MEA1: variants seen among roughly 807,000 people sequenced by gnomAD.
The protein encoded by MEA1 is Male-enhanced antigen (H-Y structural gene).
In MEA1, 22 loss-of-function variants were observed where a neutral mutation model predicts 21.4. That is an observed-to-expected ratio of 1.03 (90% CI 0.73 to 1.47). MEA1 has a LOEUF of 1.47. MEA1 is among the 40% of genes most tolerant of loss of function. The pLI is 0.00. For missense variants in MEA1, 233 were observed against 230.5 expected (o/e 1.01, Z -0.07); for synonymous variants, 91 against 85.5 (o/e 1.06, Z -0.35).
chr6:43,012,574 C>T lies in MEA1; in HGVS notation c.454G>A (p.Ala152Thr). The change falls in exon 4 of 4, where the codon GCG (alanine) becomes ACG (threonine). Residue 152 changes from alanine (A) to threonine (T), a missense_variant. Ala to Thr is a moderately conservative substitution (Grantham distance 58). Coordinates refer to ENST00000244711, the MANE Select transcript of MEA1 (RefSeq NM_014623.4). ...KRTMAGVSLP[A>T]PGVPAWAREI... ...CGAGCCCAGGCAGGAACCCCTGGCG[C>T]AGGCAGGCTTACTCCAGCCATTGTC... is the stretch of plus-strand genomic sequence containing the variant. The T allele has an allele frequency of 1.2e-6, 2 of 1,612,564 alleles. No individual in the cohort carries two copies. Among genetic ancestry groups the T allele is most frequent in the African/African-American group, 1.3e-5 (1 of 74,850 alleles).
chr6:43,015,195 T>G (rs1581874168), upstream of MEA1, among the ~76,000 whole-genome samples: 1 of 152,008 alleles, frequency 6.6e-6, no homozygotes, highest in African/African-American at 2.4e-5. Flanking sequence ...CAAGATATTT[T>G]GGAGAGCGGG....
rs186001465 is a variant in MEA1, at chr6:43,012,373, C to A, written c.*97G>T. ...ATGTGCCTTGATGTGGAAAGGGAGACGGGGAAGATGGAAATGGACATTACA... is the reference window on the plus strand; with the variant it reads ...ATGTGCCTTGATGTGGAAAGGGAGAAGGGGAAGATGGAAATGGACATTACA... On this transcript the variant is annotated 3_prime_UTR_variant, in exon 4 of 4. Coordinates refer to ENST00000244711, the MANE Select transcript of MEA1 (RefSeq NM_014623.4). The A allele has an allele frequency of 2.0e-6, 3 of 1,488,100 alleles. No individual in the cohort carries two copies. Among genetic ancestry groups the A allele is most frequent in the Non-Finnish European group, 2.7e-6 (3 of 1,117,592 alleles). The allele number at this position is 1,488,100 out of a possible 1,614,324, so 92.2% of individuals were successfully genotyped here. A position where few individuals can be genotyped will look rare whatever the true frequency, so the allele number is the denominator to read the frequency against.
Position 43,013,901 on chromosome 6 carries a change from C to A in MEA1, c.-88G>T. 1.3e-6 allele frequency: 2 copies of A among 1,495,722 alleles called. No homozygotes were observed. The highest frequency in any genetic ancestry group is 2.4e-5 in the Admixed American group (1 of 41,548). The allele number at this position is 1,495,722 out of a possible 1,614,324, so 92.7% of individuals were successfully genotyped here. On this transcript the variant is annotated 5_prime_UTR_variant, in exon 1 of 4. Transcript: ENST00000244711. ...CCGGTGTTCCCGCGCGCCTCACCCG[C>A]TCAGAGCCCGCGGCCTCCACTTCCG...
rs1386901586 is a variant in MEA1 at position 43,011,554 on chromosome 6, C to T, written c.*916G>A. 3 of 519,782 alleles carry T rather than the reference C, an allele frequency of 5.8e-6. No homozygotes were observed. Among genetic ancestry groups the T allele is most frequent in the East Asian group, 6.7e-5 (2 of 29,666 alleles). The allele number at this position is 519,782 out of a possible 1,614,324, so 32.2% of individuals were successfully genotyped here. On this transcript the variant is annotated 3_prime_UTR_variant, in exon 4 of 4. Transcript: ENST00000244711. ...CAACCTGGGGATGCCTGTCCCCTAC[C>T]TGCTCCTCACCCACAGCTACCTGAG...
At position 43,012,273 on chromosome 6, in the gene MEA1, T is replaced by C; in HGVS notation, c.*197A>G. ...GCTTTATTCTCCACAGAGTGATACA[T>C]GCTAAGGTGGGTTGGGCTTGGACCG... is the stretch of plus-strand genomic sequence containing the variant. On this transcript the variant is annotated 3_prime_UTR_variant, in exon 4 of 4. Coordinates refer to ENST00000244711, the MANE Select transcript of MEA1 (RefSeq NM_014623.4). 1 of 1,355,234 alleles carries C rather than the reference T, an allele frequency of 7.4e-7. No individual in the cohort carries two copies. Among genetic ancestry groups the C allele is most frequent in the Non-Finnish European group, 9.5e-7 (1 of 1,052,756 alleles). The allele number at this position is 1,355,234 out of a possible 1,614,324, so 84.0% of individuals were successfully genotyped here.
chr6:43,014,119 C>G (rs1426452335), upstream of MEA1: 3 of 1,417,900 alleles, frequency 2.1e-6, no homozygotes, highest in Admixed American at 5.8e-5. Flanking sequence ...TCTCCTACGC[C>G]CCTGCCCACT....
intron 1 of MEA1, 61 bp from the exon 2 acceptor site, chr6:43,013,450 C>G (rs1343796913): frequency 2.1e-5 from 33 of 1,559,920 alleles, no homozygotes; most frequent in Non-Finnish European, 2.7e-5. Context: ...TCTTCATCCT[C>G]TCATCATCTC....
Position 43,013,040 on chromosome 6 carries a change from C to T in MEA1, c.304-12G>A. 2 of 1,614,202 alleles carry T rather than the reference C, an allele frequency of 1.2e-6. No homozygotes were observed. The highest frequency in any genetic ancestry group is 8.5e-7 in the Non-Finnish European group (1 of 1,179,998). Reference sequence around the variant, plus strand: ...TGAAGCCCCAGGGCCTGCAGAGCCACAGAAGACCGTTTGGGTCTAGGCTTT... The same window carrying T: ...TGAAGCCCCAGGGCCTGCAGAGCCATAGAAGACCGTTTGGGTCTAGGCTTT... On this transcript the variant is annotated splice_polypyrimidine_tract_variant and intron_variant, in intron 2 of 3. Transcript: ENST00000244711.
chr6:43,015,493 T>G (rs1208739964), upstream of MEA1, among the ~76,000 whole-genome samples: 1 of 152,130 alleles, frequency 6.6e-6, no homozygotes, highest in East Asian at 1.9e-4. Context: ...TGCAAGGATT[T>G]GCCTGAAAAA....
In MEA1 at chr6:43,012,539, C is replaced by T. The variant is rs200149132; in HGVS notation, c.489G>A (p.Ser163=). The T allele has an allele frequency of 1.4e-5, 22 of 1,612,360 alleles. No individual in the cohort carries two copies. The Admixed American group carries it at 1.7e-4, about 12-fold the overall frequency. Reference sequence around the variant, plus strand: ...GTACCACATCTTCCCACTGGGCATCCGATATCTCCCGAGCCCAGGCAGGAA... The same window carrying T: ...GTACCACATCTTCCCACTGGGCATCTGATATCTCCCGAGCCCAGGCAGGAA... ...PGVPAWAREI[S]DAQWEDVVQK... is the part of the protein sequence containing the mutation. The change falls in exon 4 of 4, where the codon TCG becomes TCA. Residue 163 remains serine, a synonymous_variant. Coordinates refer to ENST00000244711, the MANE Select transcript of MEA1 (RefSeq NM_014623.4).
intron 3 of MEA1, 31 bp from the exon 4 acceptor site, chr6:43,012,652 T>C (rs1442301934): frequency 6.3e-7 from 1 of 1,577,340 alleles, no homozygotes. Context: ...CATTCAGGCA[T>C]AGAAATAATG....
At chr6:43,015,725 C>G (rs1478660138), upstream of MEA1, among the ~76,000 whole-genome samples, 1 of 151,928 alleles carries the variant, frequency 6.6e-6, no homozygotes, top group Non-Finnish European at 1.5e-5. Flanking sequence ...TGGCAGGCGC[C>G]TGTAATCCCA....
At chr6:43,012,686 C>G in intron 3 of MEA1, 65 bp from the exon 4 acceptor site, 1 of 1,512,564 alleles carries the variant, frequency 6.6e-7, no homozygotes, top group Non-Finnish European at 8.9e-7. Flanking sequence ...TCCCCAATCC[C>G]CGAATCAACC....
At position 43,011,151 on chromosome 6, in the gene MEA1, G is replaced by A; in HGVS notation, c.*1319C>T. On this transcript the variant is annotated 3_prime_UTR_variant, in exon 4 of 4. Transcript: ENST00000244711. Reference sequence around the variant, plus strand: ...ACCTTGTCCCTATTCACACACAGATGCTAAAAGACATCAAGAAGGAGAAAG... The same window carrying A: ...ACCTTGTCCCTATTCACACACAGATACTAAAAGACATCAAGAAGGAGAAAG... The A allele has an allele frequency of 1.9e-6, 3 of 1,614,122 alleles. No homozygotes were observed. The highest frequency in any genetic ancestry group is 3.3e-5 in the Admixed American group (2 of 60,012).
chr6:43,016,876 A>G (rs1446284609), upstream of MEA1: 11 of 377,794 alleles, frequency 2.9e-5, no homozygotes, highest in Non-Finnish European at 4.9e-5. Context: ...CATGATATGC[A>G]GATTCTGAGC....
At chr6:43,013,747 C>T (rs200390870) in intron 1 of MEA1, 39 bp downstream of exon 1, 4 of 1,568,898 alleles carry the variant, frequency 2.5e-6, no homozygotes, top group East Asian at 4.5e-5. Context: ...TCGGCGTACC[C>T]GCCCCCTTCT....
At chr6:43,014,124 C>A, upstream of MEA1, 1 of 1,417,396 alleles carries the variant, frequency 7.1e-7, no homozygotes, top group Non-Finnish European at 9.2e-7. Flanking sequence ...TACGCCCCTG[C>A]CCACTCCTCA....
intron 1 of MEA1, 33 bp downstream of exon 1, chr6:43,013,753 C>G: frequency 6.3e-7 from 1 of 1,579,958 alleles, no homozygotes; most frequent in Admixed American, 1.7e-5. Flanking sequence ...TACCCGCCCC[C>G]TTCTCCCCTC....
upstream of MEA1, among the ~76,000 whole-genome samples, chr6:43,014,830 C>G (rs1327300698): frequency 1.3e-5 from 2 of 151,898 alleles, no homozygotes; most frequent in African/African-American, 2.4e-5. Flanking sequence ...CTCACGAGAT[C>G]AAGAAGGGCG....
Sources: gnomAD v4.1 joint callset for allele counts (sites outside exome capture counted in the v4.1 genomes callset) on GRCh38, gnomAD v4.1.1 for gene constraint, MANE v1.5 for transcripts, NCBI Gene and HGNC (gene_info 2026-07-23, HGNC 2026-07-21) for gene names.